Variants in HTR1F observed in about 807,000 individuals in gnomAD.
The protein encoded by HTR1F is 5-hydroxytryptamine receptor 1F.
Under a neutral mutation model 24.0 loss-of-function variants are expected in HTR1F, and 17 were observed. That is an observed-to-expected ratio of 0.71 (90% CI 0.48 to 1.06). The LOEUF is 1.06. Among genes scored for constraint, HTR1F ranks in the 50% least tolerant of loss-of-function variants. The probability of loss-of-function intolerance (pLI) is 0.00; values close to 1 mark genes in which losing one functional copy is unlikely to be tolerated. For synonymous variants in HTR1F, 186 were observed against 156.8 expected (o/e 1.19, Z -1.39); for missense variants, 391 against 427.8 (o/e 0.91, Z 0.76).
At chr3:87,922,123 T>A (rs1198508598) in intron 2 of HTR1F, among the ~76,000 whole-genome samples, 1 of 151,996 alleles carries the variant, frequency 6.6e-6, no homozygotes, top group African/African-American at 2.4e-5. Flanking sequence ...ATAATGGGCA[T>A]ACTAATTTAC....
chr3:87,911,316 C>A (rs534882068), intron 2 of HTR1F, among the ~76,000 whole-genome samples: 2 of 152,068 alleles, frequency 1.3e-5, no homozygotes, highest in Admixed American at 1.3e-4. Context: ...TACAAACAAC[C>A]ATCAGAGACT....
At chr3:87,850,349 A>C (rs1227017538) in intron 2 of HTR1F, among the ~76,000 whole-genome samples, 1 of 151,914 alleles carries the variant, frequency 6.6e-6, no homozygotes. Context: ...TCAGCAAACT[A>C]TCGCAAGGAC....
chr3:87,850,532 C>T (rs550501652), intron 2 of HTR1F, among the ~76,000 whole-genome samples: 87 of 151,804 alleles, frequency 5.7e-4, no homozygotes, highest in Non-Finnish European at 9.6e-4. Context: ...GGGTGCAGCA[C>T]ACCAACATAG....
chr3:87,821,095 T>G (rs1704351541), intron 1 of HTR1F, among the ~76,000 whole-genome samples: 1 of 152,202 alleles, frequency 6.6e-6, no homozygotes, highest in Non-Finnish European at 1.5e-5. Flanking sequence ...AAGATTTTAC[T>G]TCTACCTAAA....
chr3:87,843,925 C>A (rs1352332887), intron 2 of HTR1F, among the ~76,000 whole-genome samples: 1 of 151,500 alleles, frequency 6.6e-6, no homozygotes, highest in Non-Finnish European at 1.5e-5. Context: ...TCCAGTCTAT[C>A]ATTGTTGGAC....
chr3:87,926,886 G>A (rs1447973399), intron 2 of HTR1F, among the ~76,000 whole-genome samples: 1 of 152,152 alleles, frequency 6.6e-6, no homozygotes, highest in African/African-American at 2.4e-5. Context: ...AGATTAATCA[G>A]TAACATATTT....
rs1705147852 is a variant in HTR1F at position 87,854,005 on chromosome 3, T to G, written c.-43+31881T>G. On this transcript the variant is annotated intron_variant, in intron 2 of 2. Transcript: ENST00000319595. ...TGAATGACTGCTTTTTAAAAGCCAG[T>G]AAAATTTGGCTATAAATCTATGTTA... Among the ~76,000 whole-genome samples the G allele has an allele frequency of 2.0e-5, 3 of 152,002 alleles. No homozygotes were observed. The South Asian group carries it at 6.2e-4, about 31-fold the overall frequency.
intron 2 of HTR1F, among the ~76,000 whole-genome samples, chr3:87,959,567 G>T (rs1307728667): frequency 4.6e-5 from 7 of 151,906 alleles, no homozygotes; most frequent in Non-Finnish European, 8.8e-5. Flanking sequence ...GTTACATCAA[G>T]AAAGTGGTAC....
chr3:87,838,628 A>C (rs746792771), intron 2 of HTR1F, among the ~76,000 whole-genome samples: 29 of 152,082 alleles, frequency 1.9e-4, no homozygotes, highest in Admixed American at 1.9e-3. Context: ...AGAGTTTTAC[A>C]TTTAAATTGT....
chr3:87,923,683 TTTG>T (rs369301309), intron 2 of HTR1F, among the ~76,000 whole-genome samples: 1 of 152,174 alleles, frequency 6.6e-6, no homozygotes, highest in East Asian at 1.9e-4. Context: ...CAATACCTAC[TTTG>T]TTAAGAGTTT....
intron 2 of HTR1F, among the ~76,000 whole-genome samples, chr3:87,898,112 A>C (rs1255939914): frequency 6.6e-6 from 1 of 152,190 alleles, no homozygotes; most frequent in African/African-American, 2.4e-5. Context: ...GGATGGGTGT[A>C]GGTAAGACAG....
chr3:87,802,110 C>T (rs1704001163), intron 1 of HTR1F, among the ~76,000 whole-genome samples: 3 of 99,306 alleles, frequency 3.0e-5, no homozygotes, highest in Admixed American at 1.1e-4. Context: ...TCCCTCCCTC[C>T]CTTCCTTTTC....
At chr3:87,840,921 G>A (rs1172370696) in intron 2 of HTR1F, among the ~76,000 whole-genome samples, 1 of 151,892 alleles carries the variant, frequency 6.6e-6, no homozygotes, top group Non-Finnish European at 1.5e-5. Flanking sequence ...AGTTACCAGT[G>A]GCTCTGAAGA....
chr3:87,963,369 C>T (rs1359904894), intron 2 of HTR1F, among the ~76,000 whole-genome samples: 1 of 152,070 alleles, frequency 6.6e-6, no homozygotes, highest in African/African-American at 2.4e-5. Context: ...TCTAGGAAAG[C>T]TTCTTATATT....
At chr3:87,962,748 G>A (rs1705088491) in intron 2 of HTR1F, among the ~76,000 whole-genome samples, 2 of 151,882 alleles carry the variant, frequency 1.3e-5, no homozygotes, top group Non-Finnish European at 1.5e-5. Flanking sequence ...TAACTAATGG[G>A]AAAAATGTAA....
At chr3:87,875,785 A>G (rs1398013986) in intron 2 of HTR1F, among the ~76,000 whole-genome samples, 2 of 151,724 alleles carry the variant, frequency 1.3e-5, no homozygotes, top group Non-Finnish European at 2.9e-5. Flanking sequence ...TTAGCTGGGC[A>G]TGGTGGTGGG....
chr3:87,968,517 G>T (rs1256377486), intron 2 of HTR1F, among the ~76,000 whole-genome samples: 1 of 151,946 alleles, frequency 6.6e-6, no homozygotes, highest in Non-Finnish European at 1.5e-5. Flanking sequence ...TGGCCAGGCA[G>T]AAGAAATTTC....
chr3:87,981,394 C>T (rs759808836), intron 2 of HTR1F, among the ~76,000 whole-genome samples: 2 of 152,118 alleles, frequency 1.3e-5, no homozygotes, highest in Non-Finnish European at 2.9e-5. Flanking sequence ...AGGGTTTCAC[C>T]GTGTTGCCCA....
intron 2 of HTR1F, among the ~76,000 whole-genome samples, chr3:87,957,163 G>T (rs1410162140): frequency 6.6e-6 from 1 of 151,206 alleles, no homozygotes; most frequent in Non-Finnish European, 1.5e-5. Context: ...ATCAGGAATA[G>T]ATGTTAAATT....
Sources: gnomAD v4.1 joint callset for allele counts (sites outside exome capture counted in the v4.1 genomes callset) on GRCh38, gnomAD v4.1.1 for gene constraint, MANE v1.5 for transcripts, NCBI Gene and HGNC (gene_info 2026-07-23, HGNC 2026-07-21) for gene names.